ANP32E: variants seen among roughly 807,000 people sequenced by gnomAD.
ANP32E encodes the protein acidic nuclear phosphoprotein 32 family member E, also known as acidic leucine-rich nuclear phosphoprotein 32 family member E.
A neutral mutation model predicts 35.3 loss-of-function variants in ANP32E; 14 were observed. The observed-to-expected ratio is 0.40, with a 90% confidence interval of 0.26 to 0.62. The LOEUF is 0.62. Ranked by LOEUF, ANP32E falls within the 20% of genes least tolerant of loss-of-function variation. The probability of loss-of-function intolerance (pLI) is 0.45; values close to 1 mark genes in which losing one functional copy is unlikely to be tolerated. For missense variants in ANP32E, 198 were observed against 304.4 expected (o/e 0.65, Z 2.60); for synonymous variants, 89 against 110.4 (o/e 0.81, Z 1.22).
At chr1:150,229,424 A>G (rs1310320538) in intron 3 of ANP32E, among the ~76,000 whole-genome samples, 187 bp from the exon 4 acceptor site, 1 of 147,012 alleles carries the variant, frequency 6.8e-6, no homozygotes, top group Non-Finnish European at 1.5e-5. Context: ...CAGCCTCCCG[A>G]GTAGCTGGGA....
intron 6 of ANP32E, 61 bp downstream of exon 6, chr1:150,223,125 A>G: frequency 7.0e-7 from 1 of 1,437,506 alleles, no homozygotes; most frequent in Non-Finnish European, 9.4e-7. Context: ...ACAAATAAAT[A>G]AAGTATAAAA....
In ANP32E at chr1:150,231,899, G is replaced by A. The variant is rs2101791395; in HGVS notation, c.82C>T (p.Leu28=). Residue 28 remains leucine, a synonymous_variant, in exon 2 of 7, where the codon CTG becomes TTG. Coordinates refer to ENST00000583931, the MANE Select transcript of ANP32E (RefSeq NM_030920.5). ...CCTTCAATTTCCCCATTGACACACA[G>A]GCAATTATCAAGGACTAACTCTGTC... The part of the protein sequence containing the change: ...EVTELVLDNC[L]CVNGEIEGLN... 1 of 1,611,346 alleles carries A rather than the reference G, an allele frequency of 6.2e-7. No homozygotes were observed. Among genetic ancestry groups the A allele is most frequent in the Middle Eastern group, 1.7e-4 (1 of 6,054 alleles).
At position 150,218,993 on chromosome 1, in the gene ANP32E, C is replaced by G. The variant is rs1372013162; in HGVS notation, c.*1698G>C. The stretch of plus-strand genomic sequence containing the variant: ...CTTTTTGGGGATTCCAATCCCCTCA[C>G]TAAACTTATCCCCAAGGGTTTTCTT... On this transcript the variant is annotated 3_prime_UTR_variant, in exon 7 of 7. Transcript: ENST00000583931. 1 of 152,260 alleles carries G rather than the reference C, an allele frequency of 6.6e-6. No homozygotes were observed. The highest frequency in any genetic ancestry group is 1.9e-4 in the East Asian group (1 of 5,202). 9.4% of individuals were successfully genotyped at this position (152,260 alleles called of 1,614,324 possible).
At chr1:150,221,628 A>AGG (rs1572006000) in intron 6 of ANP32E, among the ~76,000 whole-genome samples, 5 of 149,910 alleles carry the variant, frequency 3.3e-5, no homozygotes, top group Admixed American at 6.6e-5. Context: ...GAAGGAAGGA[A>AGG]ATTATACTTC....
chr1:150,235,883 G>C lies in ANP32E; in HGVS notation c.-97C>G. Reference sequence around the variant, plus strand: ...ATTTTTAAGAGATTTAGAAATGAATGAAAAGGAACGCAAATATAAACGCCC... The same window carrying C: ...ATTTTTAAGAGATTTAGAAATGAATCAAAAGGAACGCAAATATAAACGCCC... On this transcript the variant is annotated 5_prime_UTR_variant, in exon 1 of 7. Coordinates refer to ENST00000583931, the MANE Select transcript of ANP32E (RefSeq NM_030920.5). The surrounding 1 kb of genome is among the most constrained non-coding windows in gnomAD (Gnocchi z 4.2). 2.4e-6 allele frequency: 2 copies of C among 836,394 alleles called. No individual in the cohort carries two copies. The allele number at this position is 836,394 out of a possible 1,614,324, so 51.8% of individuals were successfully genotyped here. A position where few individuals can be genotyped will look rare whatever the true frequency, so the allele number is the denominator to read the frequency against.
chr1:150,230,968 C>T (rs1012403759), intron 2 of ANP32E, among the ~76,000 whole-genome samples: 22 of 152,272 alleles, frequency 1.4e-4, no homozygotes, highest in African/African-American at 5.1e-4. Context: ...GTCTCGAACT[C>T]CTGACCTCAG....
chr1:150,233,489 C>T (rs1167240532), intron 1 of ANP32E, among the ~76,000 whole-genome samples: 1 of 152,120 alleles, frequency 6.6e-6, no homozygotes. Flanking sequence ...ACATTCTTAA[C>T]AAAATGTTAC....
chr1:150,221,098 G>A (rs1328908548), intron 6 of ANP32E, among the ~76,000 whole-genome samples: 8 of 89,836 alleles, frequency 8.9e-5, no homozygotes, highest in South Asian at 4.2e-4. Flanking sequence ...CTGGGCAACC[G>A]AGCAAAACTT....
At chr1:150,234,619 C>T in intron 1 of ANP32E, 2 of 985,634 alleles carry the variant, frequency 2.0e-6, no homozygotes. Context: ...TGATGCTTTC[C>T]TCTGCGAGGC....
intron 6 of ANP32E, among the ~76,000 whole-genome samples, chr1:150,222,325 A>G (rs1553838353): frequency 6.6e-6 from 1 of 151,506 alleles, no homozygotes; most frequent in African/African-American, 2.4e-5. Flanking sequence ...AGGCTGAGGC[A>G]GGAGAATGGC....
At chr1:150,228,127 G>A (rs1157791059) in intron 4 of ANP32E, among the ~76,000 whole-genome samples, 7 of 149,152 alleles carry the variant, frequency 4.7e-5, no homozygotes, top group African/African-American at 1.7e-4. Flanking sequence ...TTTTGTTTTT[G>A]AGACAGAGTC....
chr1:150,229,141 T>C lies in ANP32E; in HGVS notation c.424A>G (p.Ile142Val), dbSNP rs782565601. 1 of 1,613,686 alleles carries C rather than the reference T, an allele frequency of 6.2e-7. No individual in the cohort carries two copies. The highest frequency in any genetic ancestry group is 8.5e-7 in the Non-Finnish European group (1 of 1,179,734). Residue 142 changes from isoleucine (I) to valine (V), a missense_variant, in exon 4 of 7, where the codon ATC becomes GTC. By Grantham distance (29) the Ile-to-Val change is conservative. Transcript: ENST00000583931. ...RESIFELLQQ[I>V]TYLDGFDQED... ...TGATCAAATCCATCTAAGTATGTGA[T>C]TTGCTGCAGTAGTTCAAAAATACTT...
intron 1 of ANP32E, among the ~76,000 whole-genome samples, chr1:150,232,863 A>T (rs2101795227): frequency 6.6e-6 from 1 of 152,292 alleles, no homozygotes; most frequent in African/African-American, 2.4e-5. Flanking sequence ...TCCCATGTGA[A>T]ACCTGTTTCT....
Position 150,235,218 on chromosome 1 carries a change from C to A in ANP32E, c.54+515G>T, listed in dbSNP as rs2101801271. On this transcript the variant is annotated intron_variant, in intron 1 of 6. Transcript: ENST00000583931. The surrounding 1 kb of genome is among the most constrained non-coding windows in gnomAD (Gnocchi z 4.2). The stretch of plus-strand genomic sequence containing the variant: ...CGGAGCAGACAGTGCGCGGACCCTG[C>A]AAGCGACCCCAGCCCGCGCCCGTCG... Among the ~76,000 whole-genome samples the A allele has an allele frequency of 6.6e-6, 1 of 152,360 alleles. No individual in the cohort carries two copies. The highest frequency in any genetic ancestry group is 2.1e-4 in the South Asian group (1 of 4,832).
chr1:150,233,130 T>C (rs1324817032), intron 1 of ANP32E, among the ~76,000 whole-genome samples: 1 of 151,914 alleles, frequency 6.6e-6, no homozygotes, highest in Non-Finnish European at 1.5e-5. Flanking sequence ...CCGGGCGTGA[T>C]GGTGGGCACC....
In ANP32E at chr1:150,218,544, T is replaced by A. The variant is rs1553836503; in HGVS notation, c.*2147A>T. 6.6e-6 allele frequency: 1 copy of A among 152,592 alleles called. No homozygotes were observed. Among genetic ancestry groups the A allele is most frequent in the Non-Finnish European group, 1.5e-5 (1 of 68,040 alleles). The allele number at this position is 152,592 out of a possible 1,614,324, so 9.5% of individuals were successfully genotyped here. On this transcript the variant is annotated 3_prime_UTR_variant, in exon 7 of 7. Transcript: ENST00000583931. Reference sequence around the variant, plus strand: ...AAAGAATAATCAGGAGTACTGCAAATTTTTTTGTTTGTTTTTAACACTGTC... The same window carrying A: ...AAAGAATAATCAGGAGTACTGCAAAATTTTTTGTTTGTTTTTAACACTGTC...
Position 150,220,191 on chromosome 1 carries a change from CCAAA to C in ANP32E, c.*496_*499del, listed in dbSNP as rs1463204343. ...CAAGTTACTTGTGACAAAAAAGCAA[CCAAA>C]CACTCTTAGTCAAAAAAAAAAAAAA... On this transcript the variant is annotated 3_prime_UTR_variant, in exon 7 of 7. Coordinates refer to ENST00000583931, the MANE Select transcript of ANP32E (RefSeq NM_030920.5). 1.2e-5 allele frequency: 1 copy of C among 83,322 alleles called. No homozygotes were observed. The highest frequency in any genetic ancestry group is 4.8e-5 in the African/African-American group (1 of 20,716). 5.2% of individuals were successfully genotyped at this position (83,322 alleles called of 1,614,324 possible). A position where few individuals can be genotyped will look rare whatever the true frequency, so the allele number is the denominator to read the frequency against.
chr1:150,235,457 C>A lies in ANP32E; in HGVS notation c.54+276G>T, dbSNP rs1185181264. ...AGCGCCCCCACCAGCCCGCTTCCCG[C>A]CCCCACGAGGTCAGGACGCCCGACT... On this transcript the variant is annotated intron_variant, in intron 1 of 6. Coordinates refer to ENST00000583931, the MANE Select transcript of ANP32E (RefSeq NM_030920.5). This position sits in a 1 kb window ranked among gnomAD's most constrained non-coding sequence, Gnocchi z 4.2. Among the ~76,000 whole-genome samples the A allele has an allele frequency of 6.6e-6, 1 of 152,208 alleles. No homozygotes were observed. Among genetic ancestry groups the A allele is most frequent in the African/African-American group, 2.4e-5 (1 of 41,444 alleles).
intron 3 of ANP32E, among the ~76,000 whole-genome samples, chr1:150,229,500 C>T (rs912856168): frequency 1.3e-5 from 2 of 149,596 alleles, no homozygotes; most frequent in Admixed American, 6.7e-5. Context: ...TTTGTTGAGA[C>T]GGACTTTTTG....
Sources: gnomAD v4.1 joint callset for allele counts (sites outside exome capture counted in the v4.1 genomes callset) on GRCh38, gnomAD v4.1.1 for gene constraint, Gnocchi (gnomAD v3.1) non-coding constraint, MANE v1.5 for transcripts, NCBI Gene and HGNC (gene_info 2026-07-23, HGNC 2026-07-21) for gene names.